Variants in CDH13 observed in about 807,000 individuals in gnomAD.
CDH13 encodes the protein cadherin-13.
CDH13 carries 24 observed loss-of-function variants against 63.8 expected under a neutral mutation model. That is an observed-to-expected ratio of 0.38 (90% CI 0.27 to 0.53). CDH13 has a LOEUF of 0.53. Ranked by LOEUF, CDH13 falls within the 20% of genes least tolerant of loss-of-function variation. CDH13 has a pLI of 0.85. For synonymous variants in CDH13, 503 were observed against 355.3 expected (o/e 1.42, Z -4.67); for missense variants, 1,049 against 903.1 (o/e 1.16, Z -2.07).
intron 2 of CDH13, among the ~76,000 whole-genome samples, chr16:82,950,359 G>A (rs1420830986): frequency 6.6e-6 from 1 of 152,060 alleles, no homozygotes; most frequent in Admixed American, 6.5e-5. Flanking sequence ...GTATGGTTTG[G>A]CTGTGTCCCC....
intron 1 of CDH13, among the ~76,000 whole-genome samples, chr16:82,638,823 T>TGTGTGTGTGTGTGTGCGCGCGC (rs139451683): frequency 2.0e-5 from 3 of 150,790 alleles, no homozygotes; most frequent in Non-Finnish European, 4.4e-5. Context: ...GGGCAGTGTG[T>TGTGTGTGTGTGTGTGCGCGCGC]GCGTGTGTGC....
intron 5 of CDH13, among the ~76,000 whole-genome samples, chr16:83,255,085 G>A (rs537857518): frequency 4.6e-5 from 7 of 151,872 alleles, no homozygotes; most frequent in South Asian, 4.2e-4. Flanking sequence ...CAGATGGCTC[G>A]TGAAGCAGCA....
At chr16:83,111,136 C>T (rs969315728) in intron 3 of CDH13, among the ~76,000 whole-genome samples, 3 of 151,430 alleles carry the variant, frequency 2.0e-5, no homozygotes, top group Non-Finnish European at 2.9e-5. Context: ...GACGCCACTG[C>T]ACTCCAGCCT....
intron 11 of CDH13, among the ~76,000 whole-genome samples, chr16:83,771,909 T>G (rs181312661): frequency 6.6e-6 from 1 of 152,326 alleles, no homozygotes; most frequent in East Asian, 1.9e-4. Flanking sequence ...CACTGCTGCA[T>G]GATGGAATTG....
chr16:83,595,299 G>A (rs983220741), intron 7 of CDH13, among the ~76,000 whole-genome samples: 29 of 152,226 alleles, frequency 1.9e-4, no homozygotes, highest in Non-Finnish European at 2.9e-5. Flanking sequence ...ACATAATTTA[G>A]TTCAGGGAAA....
chr16:83,049,995 C>G (rs1039303409), intron 3 of CDH13, among the ~76,000 whole-genome samples: 1 of 152,086 alleles, frequency 6.6e-6, no homozygotes, highest in Non-Finnish European at 1.5e-5. Flanking sequence ...AATAATAATG[C>G]TACAAAAACG....
intron 5 of CDH13, among the ~76,000 whole-genome samples, chr16:83,301,024 G>GTTTTTTTTTTTT (rs1567574870): frequency 1.9e-5 from 1 of 53,946 alleles, no homozygotes; most frequent in African/African-American, 6.7e-5. Flanking sequence ...AACTTTCTGG[G>GTTTTTTTTTTTT]GTTTTTTTTT....
At position 83,172,151 on chromosome 16, in the gene CDH13, A is replaced by G. The variant is rs1224825382; in HGVS notation, c.484-45194A>G. ...TAATATGACTGATGCCTATAAAAAGAGAAATTTGGAGATAGACTCACACTC... is the reference window on the plus strand; with the variant it reads ...TAATATGACTGATGCCTATAAAAAGGGAAATTTGGAGATAGACTCACACTC... On this transcript the variant is annotated intron_variant, in intron 4 of 13. Coordinates refer to ENST00000567109, the MANE Select transcript of CDH13 (RefSeq NM_001257.5). Among the ~76,000 whole-genome samples the G allele has an allele frequency of 2.0e-5, 3 of 151,910 alleles. 1 individual carries two copies. The highest frequency in any genetic ancestry group is 2.0e-4 in the Admixed American group (3 of 15,238).
At chr16:83,174,450 G>A (rs868552338) in intron 4 of CDH13, among the ~76,000 whole-genome samples, 6 of 152,022 alleles carry the variant, frequency 3.9e-5, no homozygotes, top group Admixed American at 6.6e-5. Context: ...CAGCAAGACC[G>A]AAGCAAATGA....
intron 6 of CDH13, among the ~76,000 whole-genome samples, chr16:83,472,077 C>A (rs1448590206): frequency 6.6e-6 from 1 of 152,172 alleles, no homozygotes; most frequent in Admixed American, 6.5e-5. Context: ...TCTCAGAGAA[C>A]ACAGTGTCCT....
chr16:83,203,974 A>T (rs766128206), intron 4 of CDH13, among the ~76,000 whole-genome samples: 5 of 152,240 alleles, frequency 3.3e-5, no homozygotes, highest in Non-Finnish European at 7.3e-5. Context: ...TCCTGCCAAG[A>T]GTTTGATGTA....
chr16:82,743,603 A>G (rs1329108769), intron 1 of CDH13, among the ~76,000 whole-genome samples: 1 of 152,178 alleles, frequency 6.6e-6, no homozygotes, highest in Non-Finnish European at 1.5e-5. Context: ...TTTCACCTAG[A>G]CAGAGAATAG....
At chr16:82,889,789 C>G (rs11150513) in intron 2 of CDH13, among the ~76,000 whole-genome samples, 54,656 of 152,126 alleles carry the variant, frequency 0.36, 10,754 homozygotes, top group East Asian at 0.79. Context: ...AAGTCCATTT[C>G]TTTCAAATTC....
At chr16:83,465,544 T>C (rs1598084517) in intron 6 of CDH13, among the ~76,000 whole-genome samples, 1 of 152,168 alleles carries the variant, frequency 6.6e-6, no homozygotes, top group Non-Finnish European at 1.5e-5. Flanking sequence ...AAAATAAAGA[T>C]TCAAGTCAAT....
At chr16:82,823,794 A>G (rs192310155) in intron 1 of CDH13, 2 of 152,322 alleles carry the variant, frequency 1.3e-5, no homozygotes, top group Non-Finnish European at 1.5e-5. Flanking sequence ...AGATGCAGAT[A>G]TAAGACCAGC....
At chr16:83,364,723 A>G (rs2091226318) in intron 6 of CDH13, among the ~76,000 whole-genome samples, 1 of 152,210 alleles carries the variant, frequency 6.6e-6, no homozygotes, top group South Asian at 2.1e-4. Context: ...ACTGTTCTCT[A>G]GGGAAACAGA....
intron 7 of CDH13, among the ~76,000 whole-genome samples, chr16:83,595,216 C>T (rs923049953): frequency 6.6e-6 from 1 of 152,186 alleles, no homozygotes; most frequent in African/African-American, 2.4e-5. Flanking sequence ...TGCAGTTCCG[C>T]AAAGTATAAG....
At chr16:82,731,389 CA>C (rs764783629) in intron 1 of CDH13, among the ~76,000 whole-genome samples, 13 of 152,088 alleles carry the variant, frequency 8.5e-5, no homozygotes, top group South Asian at 2.1e-4. Context: ...TCTAGACTTA[CA>C]AAAGTGATAG....
intron 1 of CDH13, among the ~76,000 whole-genome samples, chr16:82,770,043 AT>A (rs1332633488): frequency 2.0e-5 from 3 of 152,186 alleles, no homozygotes; most frequent in Admixed American, 6.5e-5. Context: ...TCCCCAGCTA[AT>A]TTTGCCAGAG....
Sources: allele counts gnomAD v4.1 joint callset (sites outside exome capture counted in the v4.1 genomes callset), GRCh38; gene constraint gnomAD v4.1.1; transcripts MANE v1.5; gene names NCBI Gene and HGNC (gene_info 2026-07-23, HGNC 2026-07-21).